EHMT1: variants seen among roughly 807,000 people sequenced by gnomAD.
EHMT1 encodes histone-lysine N-methyltransferase EHMT1.
In EHMT1, 15 loss-of-function variants were observed where a neutral mutation model predicts 147.2. That is an observed-to-expected ratio of 0.10 (90% CI 0.07 to 0.16). The LOEUF is 0.16. Ranked by LOEUF, EHMT1 falls within the 10% of genes least tolerant of loss-of-function variation. The probability of loss-of-function intolerance (pLI) is 1.00; values close to 1 mark genes in which losing one functional copy is unlikely to be tolerated. For synonymous variants in EHMT1, 795 were observed against 709.6 expected, an observed-to-expected ratio of 1.12 and a Z score of -1.91; for missense variants, 1,587 against 1,772.4, an observed-to-expected ratio of 0.90 and a Z score of 1.88.
rs569274043 is a variant in EHMT1 at position 137,834,059 on chromosome 9, G to C, written c.3541-290G>C. The C allele has an allele frequency of 4.1e-5, 21 of 510,500 alleles. No homozygotes were observed. The Admixed American group carries it at 6.5e-4, about 16-fold the overall frequency. The allele number at this position is 510,500 out of a possible 1,614,324, so 31.6% of individuals were successfully genotyped here. On this transcript the variant is annotated intron_variant, in intron 25 of 26. Transcript: ENST00000460843. The stretch of plus-strand genomic sequence containing the variant: ...GATGGCGCTGTCCACATTCCACCGC[G>C]CTGGAAGCCCCATGGGGACGCCGTC...
In EHMT1 at chr9:137,777,876, CT is replaced by C; in HGVS notation, c.2019-5del. 6.2e-7 allele frequency: 1 copy of C among 1,612,880 alleles called. No individual in the cohort carries two copies. The highest frequency in any genetic ancestry group is 8.5e-7 in the Non-Finnish European group (1 of 1,180,030). On this transcript the variant is annotated splice_region_variant and splice_polypyrimidine_tract_variant and intron_variant, in intron 12 of 26. Coordinates refer to ENST00000460843, the MANE Select transcript of EHMT1 (RefSeq NM_024757.5). ...ATAAACCTTTCCCCGATTTCCTCCC[CT>C]GAAGTGCTGCCGGGCCACCACTCTC... is the stretch of plus-strand genomic sequence containing the variant.
chr9:137,648,790 A>C (rs1406343783), intron 1 of EHMT1, among the ~76,000 whole-genome samples: 1 of 152,158 alleles, frequency 6.6e-6, no homozygotes, highest in Non-Finnish European at 1.5e-5. Context: ...TCCCCTCTCA[A>C]ATTCAGCTGG....
At chr9:137,710,451 CGA>C (rs1473619171) in intron 1 of EHMT1, among the ~76,000 whole-genome samples, 1 of 152,104 alleles carries the variant, frequency 6.6e-6, no homozygotes, top group African/African-American at 2.4e-5. Context: ...CCAGCCTGGG[CGA>C]GAGAGTGAAC....
chr9:137,651,825 G>GA (rs1286824131), intron 1 of EHMT1, among the ~76,000 whole-genome samples: 1 of 152,054 alleles, frequency 6.6e-6, no homozygotes, highest in Non-Finnish European at 1.5e-5. Context: ...TAGTGGAGCC[G>GA]AAAAGTTCCT....
At chr9:137,702,041 G>A (rs959762735) in intron 1 of EHMT1, among the ~76,000 whole-genome samples, 3 of 151,912 alleles carry the variant, frequency 2.0e-5, no homozygotes, top group South Asian at 2.1e-4. Flanking sequence ...TGATCTACTC[G>A]CCTCAGCCTC....
chr9:137,761,473 G>A (rs1949807374), intron 9 of EHMT1, among the ~76,000 whole-genome samples: 1 of 151,044 alleles, frequency 6.6e-6, no homozygotes, highest in African/African-American at 2.4e-5. Context: ...GTTTTTTTTT[G>A]AGACGGAGTC....
At chr9:137,758,502 AGTT>A (rs1161174389) in intron 9 of EHMT1, among the ~76,000 whole-genome samples, 6 of 152,118 alleles carry the variant, frequency 3.9e-5, no homozygotes, top group Non-Finnish European at 8.8e-5. Context: ...TTCTGTTGGG[AGTT>A]GTTGTGCCAG....
At chr9:137,831,638 T>C (rs1043717834) in intron 25 of EHMT1, among the ~76,000 whole-genome samples, 2 of 152,258 alleles carry the variant, frequency 1.3e-5, no homozygotes, top group African/African-American at 4.8e-5. Flanking sequence ...TTGTTCTTCA[T>C]TGAGGACAGC....
At chr9:137,754,736 C>CG (rs1949244449) in intron 8 of EHMT1, among the ~76,000 whole-genome samples, 1 of 152,108 alleles carries the variant, frequency 6.6e-6, no homozygotes, top group African/African-American at 2.4e-5. Context: ...AGGCTGGTCT[C>CG]GAACTCCTGA....
rs1842766843 is a variant in EHMT1, at chr9:137,619,018, G to A, written c.-11G>A. On this transcript the variant is annotated 5_prime_UTR_variant, in exon 1 of 27. Coordinates refer to ENST00000460843, the MANE Select transcript of EHMT1 (RefSeq NM_024757.5). Reference sequence around the variant, plus strand: ...CGCGGGAGGGGCGGGGCCACGCTGCGGGCCCGGGCCATGGCCGCCGCCGAT... The same window carrying A: ...CGCGGGAGGGGCGGGGCCACGCTGCAGGCCCGGGCCATGGCCGCCGCCGAT... 6.2e-6 allele frequency: 6 copies of A among 972,862 alleles called. No individual in the cohort carries two copies. Among genetic ancestry groups the A allele is most frequent in the South Asian group, 4.6e-5 (1 of 21,854 alleles). 60.3% of individuals were successfully genotyped at this position (972,862 alleles called of 1,614,324 possible). A position where few individuals can be genotyped will look rare whatever the true frequency, so the allele number is the denominator to read the frequency against.
intron 1 of EHMT1, among the ~76,000 whole-genome samples, chr9:137,620,554 A>AT (rs1047891039): frequency 3.3e-5 from 5 of 151,936 alleles, no homozygotes; most frequent in African/African-American, 1.2e-4. Flanking sequence ...CACCTGGCCA[A>AT]TTTTTTTGTA....
chr9:137,783,770 C>T (rs1276171990), intron 15 of EHMT1, among the ~76,000 whole-genome samples: 1 of 152,236 alleles, frequency 6.6e-6, no homozygotes, highest in African/African-American at 2.4e-5. Flanking sequence ...CTGCTGTGCC[C>T]ACACTCACCC....
chr9:137,832,703 T>C (rs2133114931), intron 25 of EHMT1: 1 of 152,790 alleles, frequency 6.5e-6, no homozygotes, highest in South Asian at 2.0e-4. Context: ...TCACAGACTT[T>C]GACACCCCAC....
intron 1 of EHMT1, among the ~76,000 whole-genome samples, chr9:137,654,970 T>TA (rs1260731216): frequency 6.7e-6 from 1 of 149,896 alleles, no homozygotes; most frequent in East Asian, 1.9e-4. Context: ...AGCAGGAAGG[T>TA]ACCAGGTGGT....
intron 1 of EHMT1, among the ~76,000 whole-genome samples, chr9:137,632,047 G>A (rs1052864841): frequency 1.2e-4 from 18 of 152,266 alleles, no homozygotes; most frequent in Non-Finnish European, 2.1e-4. Context: ...TTATAGCCTG[G>A]AAGCCATGGG....
At chr9:137,814,398 G>A (rs769405397) in intron 21 of EHMT1, 33 bp from the exon 22 acceptor site, 4 of 1,608,966 alleles carry the variant, frequency 2.5e-6, no homozygotes, top group Middle Eastern at 1.6e-4. Flanking sequence ...GCCTGTGCCT[G>A]CACGTCTGAC....
chr9:137,709,025 A>G (rs1446456296), intron 1 of EHMT1, among the ~76,000 whole-genome samples: 1 of 152,124 alleles, frequency 6.6e-6, no homozygotes, highest in Non-Finnish European at 1.5e-5. Flanking sequence ...CGAGCCCCCC[A>G]AGTGCCTGCT....
At chr9:137,658,886 A>C (rs1254650715) in intron 1 of EHMT1, among the ~76,000 whole-genome samples, 2 of 152,170 alleles carry the variant, frequency 1.3e-5, no homozygotes, top group African/African-American at 4.8e-5. Context: ...CAGCCTCCCA[A>C]AGTGCTGGGA....
chr9:137,835,522 G>C lies in EHMT1; in HGVS notation c.*569G>C, dbSNP rs187793707. On this transcript the variant is annotated 3_prime_UTR_variant, in exon 27 of 27. Transcript: ENST00000460843. ...CTAACTTTGGAGAAAATGTGGGTTT[G>C]CTTTTTAAAGGAATCCTATATCTAG... 6.6e-6 allele frequency: 1 copy of C among 152,646 alleles called. No homozygotes were observed. The highest frequency in any genetic ancestry group is 1.5e-5 in the Non-Finnish European group (1 of 67,950). The allele number at this position is 152,646 out of a possible 1,614,324, so 9.5% of individuals were successfully genotyped here.
Sources: allele counts gnomAD v4.1 joint callset (sites outside exome capture counted in the v4.1 genomes callset), GRCh38; gene constraint gnomAD v4.1.1; transcripts MANE v1.5; gene names NCBI Gene and HGNC (gene_info 2026-07-23, HGNC 2026-07-21).